The following NREP variants were observed in gnomAD, a reference collection of about 807,000 sequenced individuals.
The protein encoded by NREP is neuronal regeneration related protein.
NREP carries 5 observed loss-of-function variants against 8.6 expected under a neutral mutation model. That is an observed-to-expected ratio of 0.58 (90% CI 0.30 to 1.22). The LOEUF (loss-of-function observed/expected upper bound fraction) is 1.22, where lower values mean the gene tolerates loss of function less well. Among genes scored for constraint, NREP ranks in the 50% most tolerant of loss-of-function variants. The pLI is 0.07. For synonymous variants in NREP, 27 were observed against 28.0 expected, an observed-to-expected ratio of 0.96 and a Z score of 0.11; for missense variants, 86 against 82.5, an observed-to-expected ratio of 1.04 and a Z score of -0.17.
chr5:111,829,530 A>G (rs1369227727), intron 2 of NREP, among the ~76,000 whole-genome samples: 1 of 152,162 alleles, frequency 6.6e-6, no homozygotes, highest in South Asian at 2.1e-4. Flanking sequence ...AGTTCCCTTT[A>G]GGTTTTTGAC....
intron 2 of NREP, among the ~76,000 whole-genome samples, chr5:111,873,591 C>G (rs1561703457): frequency 6.6e-6 from 1 of 152,182 alleles, no homozygotes; most frequent in Non-Finnish European, 1.5e-5. Context: ...ATCTTCAAAG[C>G]AAGCAATGAC....
intron 2 of NREP, among the ~76,000 whole-genome samples, chr5:111,950,678 G>A (rs764023846): frequency 9.4e-5 from 14 of 149,684 alleles, no homozygotes; most frequent in Non-Finnish European, 2.1e-4. Flanking sequence ...AGTATCTCCA[G>A]GGACTTAAAC....
At chr5:111,944,422 C>CTAAG (rs1212452831) in intron 2 of NREP, among the ~76,000 whole-genome samples, 3 of 152,150 alleles carry the variant, frequency 2.0e-5, no homozygotes, top group African/African-American at 7.2e-5. Flanking sequence ...ATCCCTCCAC[C>CTAAG]TAAGACTCCC....
chr5:111,826,344 C>G (rs1752625950), intron 2 of NREP, among the ~76,000 whole-genome samples: 1 of 152,172 alleles, frequency 6.6e-6, no homozygotes, highest in African/African-American at 2.4e-5. Flanking sequence ...CACTGGCAAC[C>G]ACTCAGGTCT....
At chr5:111,934,699 G>T (rs1755633619) in intron 2 of NREP, among the ~76,000 whole-genome samples, 1 of 152,206 alleles carries the variant, frequency 6.6e-6, no homozygotes, top group African/African-American at 2.4e-5. Context: ...CTTAAGCAAT[G>T]AGTTGCTCAA....
intron 2 of NREP, among the ~76,000 whole-genome samples, chr5:111,787,142 C>A (rs1042020689): frequency 2.0e-5 from 3 of 152,138 alleles, no homozygotes; most frequent in Non-Finnish European, 4.4e-5. Context: ...GATACCCCTC[C>A]CTGTGCTTCC....
At chr5:111,937,440 G>C (rs1407860727) in intron 2 of NREP, among the ~76,000 whole-genome samples, 1 of 151,954 alleles carries the variant, frequency 6.6e-6, no homozygotes, top group Non-Finnish European at 1.5e-5. Context: ...GATTATTCCC[G>C]TTGTATTTTT....
intron 2 of NREP, among the ~76,000 whole-genome samples, chr5:111,790,629 C>T (rs1029333179): frequency 8.6e-5 from 13 of 151,788 alleles, no homozygotes; most frequent in African/African-American, 2.7e-4. Flanking sequence ...TTCGCCTATC[C>T]ATGTTTAAAA....
At chr5:111,927,501 C>A (rs1755422321) in intron 2 of NREP, among the ~76,000 whole-genome samples, 2 of 152,158 alleles carry the variant, frequency 1.3e-5, no homozygotes, top group South Asian at 2.1e-4. Context: ...GGAGCCCAAA[C>A]CCACTATTCC....
At chr5:111,938,531 T>C (rs1307389767) in intron 2 of NREP, among the ~76,000 whole-genome samples, 1 of 152,112 alleles carries the variant, frequency 6.6e-6, no homozygotes, top group Non-Finnish European at 1.5e-5. Context: ...TGGCTGATGG[T>C]ATCAGAGTAT....
intron 2 of NREP, among the ~76,000 whole-genome samples, chr5:111,863,747 T>A (rs1186820999): frequency 6.6e-6 from 1 of 152,146 alleles, no homozygotes; most frequent in Non-Finnish European, 1.5e-5. Flanking sequence ...AAGACCTTAT[T>A]CTAATTATCT....
chr5:111,766,391 C>T (rs1414679106), intron 2 of NREP, among the ~76,000 whole-genome samples: 1 of 152,166 alleles, frequency 6.6e-6, no homozygotes, highest in Non-Finnish European at 1.5e-5. Flanking sequence ...ATCAAAACGT[C>T]AGTGCCTTAA....
intron 2 of NREP, among the ~76,000 whole-genome samples, chr5:111,937,744 A>T (rs914698816): frequency 2.0e-5 from 3 of 151,882 alleles, no homozygotes; most frequent in African/African-American, 7.3e-5. Context: ...TCTACTTCTC[A>T]TTCTTGTACC....
intron 2 of NREP, among the ~76,000 whole-genome samples, chr5:111,793,577 A>G (rs922055116): frequency 6.6e-6 from 1 of 152,124 alleles, no homozygotes; most frequent in Non-Finnish European, 1.5e-5. Context: ...TACTGATTCA[A>G]ATGGTAATCT....
At chr5:111,893,785 C>T (rs1446446538) in intron 2 of NREP, among the ~76,000 whole-genome samples, 2 of 151,626 alleles carry the variant, frequency 1.3e-5, no homozygotes, top group Admixed American at 1.3e-4. Flanking sequence ...AAAACCTGAG[C>T]ATTCATAATT....
intron 3 of NREP, chr5:111,735,022 TG>T (rs1182233876): frequency 2.0e-5 from 7 of 358,014 alleles, no homozygotes. Flanking sequence ...ACAGTTTTTT[TG>T]TTCCTCCCTT....
Position 111,886,215 on chromosome 5 carries a change from GA to G in NREP, c.135+89058del, listed in dbSNP as rs1218352061. 5.5e-4 allele frequency among the ~76,000 whole-genome samples: 84 copies of G among 152,260 alleles called. 1 individual carries two copies. The highest frequency in any genetic ancestry group is 2.9e-5 in the Non-Finnish European group (2 of 68,036). On this transcript the variant is annotated intron_variant, in intron 2 of 3. Coordinates refer to the NREP transcript ENST00000395634. ...ACATTTATGCAGCCAAAAACCACAT[GA>G]AAAAATGCTCACCATCACTGGCCAT...
chr5:111,971,959 TATGGA>T (rs761570572), intron 2 of NREP, among the ~76,000 whole-genome samples: 76 of 152,134 alleles, frequency 5.0e-4, no homozygotes, highest in Non-Finnish European at 1.0e-3. Flanking sequence ...AGAGACAGCC[TATGGA>T]ATGGGAGAAA....
intron 2 of NREP, among the ~76,000 whole-genome samples, chr5:111,935,657 G>A (rs1206226822): frequency 6.6e-6 from 1 of 152,060 alleles, no homozygotes. Context: ...ACTGGTTTGG[G>A]ATAAGATTAT....
Sources: allele counts gnomAD v4.1 joint callset (sites outside exome capture counted in the v4.1 genomes callset), GRCh38; gene constraint gnomAD v4.1.1; transcripts MANE v1.5; gene names NCBI Gene and HGNC (gene_info 2026-07-23, HGNC 2026-07-21).